Variants in SLC24A4 observed in about 807,000 individuals in gnomAD.
SLC24A4 encodes solute carrier family 24 member 4.
In SLC24A4, 53 loss-of-function variants were observed where a neutral mutation model predicts 79.0. The ratio of observed to expected loss-of-function variants is 0.67; its 90% CI spans 0.54 to 0.84. The LOEUF (loss-of-function observed/expected upper bound fraction) is 0.84. SLC24A4 is among the 40% of genes least tolerant of loss of function. SLC24A4 has a pLI of 0.00. For synonymous variants in SLC24A4, 323 were observed against 323.8 expected, an observed-to-expected ratio of 1.00 and a Z score of 0.03; for missense variants, 731 against 822.0, an observed-to-expected ratio of 0.89 and a Z score of 1.35.
intron 2 of SLC24A4, among the ~76,000 whole-genome samples, chr14:92,405,688 T>C (rs1469262211): frequency 6.6e-6 from 1 of 151,874 alleles, no homozygotes; most frequent in African/African-American, 2.4e-5. Context: ...AAGGGGGAGC[T>C]TCCACACAGT....
chr14:92,415,087 G>A (rs187459385), intron 2 of SLC24A4, among the ~76,000 whole-genome samples: 3 of 152,338 alleles, frequency 2.0e-5, no homozygotes, highest in African/African-American at 7.2e-5. Context: ...CGTGCTGGCA[G>A]GTGTTTGATG....
At chr14:92,350,864 G>A (rs4506828) in intron 2 of SLC24A4, among the ~76,000 whole-genome samples, 64 of 152,286 alleles carry the variant, frequency 4.2e-4, no homozygotes, top group African/African-American at 1.3e-3. Context: ...TAGGAGGCAG[G>A]AGGTGATTGG....
At chr14:92,351,623 G>A (rs1440035971) in intron 2 of SLC24A4, among the ~76,000 whole-genome samples, 4 of 152,184 alleles carry the variant, frequency 2.6e-5, no homozygotes, top group East Asian at 1.9e-4. Context: ...TCGGGAGGCC[G>A]AGGCGGGTGG....
At chr14:92,400,145 A>T (rs745845291) in intron 2 of SLC24A4, among the ~76,000 whole-genome samples, 4 of 152,144 alleles carry the variant, frequency 2.6e-5, no homozygotes, top group Non-Finnish European at 5.9e-5. Flanking sequence ...AAACTGGAAA[A>T]AATCAGAGTT....
chr14:92,442,736 G>T lies in SLC24A4; in HGVS notation c.502G>T (p.Val168Phe), dbSNP rs551321592. 6.2e-7 allele frequency: 1 copy of T among 1,614,002 alleles called. No homozygotes were observed. The change falls in exon 6 of 17, where the codon GTC becomes TTC. Residue 168 changes from valine to phenylalanine, a missense_variant. Coordinates refer to ENST00000532405, the MANE Select transcript of SLC24A4 (RefSeq NM_153646.4). The stretch of plus-strand genomic sequence containing the variant: ...AGGGGTGTTCATCACCCATGGGGAC[G>T]TCGGGGTGGGCACCATCGTGGGCTC... The part of the protein sequence containing the change: ...VIGVFITHGD[V>F]GVGTIVGSAV...
At chr14:92,343,654 T>TCCTTCCC (rs1566700223) in intron 2 of SLC24A4, among the ~76,000 whole-genome samples, 250 of 77,032 alleles carry the variant, frequency 3.2e-3, no homozygotes, top group African/African-American at 0.013. Flanking sequence ...CTTTCCTTCT[T>TCCTTCCC]TCCTTCCTTC....
At chr14:92,411,304 T>A (rs748369132) in intron 2 of SLC24A4, among the ~76,000 whole-genome samples, 13 of 152,224 alleles carry the variant, frequency 8.5e-5, no homozygotes, top group Non-Finnish European at 1.8e-4. Context: ...AATCCCAAGC[T>A]GTCTATCTAC....
At chr14:92,432,609 G>A (rs928603234) in intron 2 of SLC24A4, among the ~76,000 whole-genome samples, 3 of 152,134 alleles carry the variant, frequency 2.0e-5, no homozygotes, top group South Asian at 2.1e-4. Context: ...CCCTTGAACC[G>A]ACAGCAGCAA....
rs921248213 is a variant in SLC24A4 at position 92,482,619 on chromosome 14, G to A, written c.1256-61G>A. ...GACTAAATCGACAGGTAGACTGGCA[G>A]GTGTGTTACCCAGTGTCTTTCTCTC... On this transcript the variant is annotated intron_variant, in intron 12 of 16. Coordinates refer to ENST00000532405, the MANE Select transcript of SLC24A4 (RefSeq NM_153646.4). 7 of 1,460,364 alleles carry A rather than the reference G, an allele frequency of 4.8e-6. No homozygotes were observed. The South Asian group carries it at 8.2e-5, about 17-fold the overall frequency. The allele number at this position is 1,460,364 out of a possible 1,614,324, so 90.5% of individuals were successfully genotyped here.
Position 92,493,601 on chromosome 14 carries a change from C to T in SLC24A4, c.1842C>T (p.Asn614=), listed in dbSNP as rs149036113. The T allele has an allele frequency of 1.6e-4, 252 of 1,614,092 alleles. No homozygotes were observed. Among genetic ancestry groups the T allele is most frequent in the Non-Finnish European group, 9.0e-5 (106 of 1,180,038 alleles). Residue 614 remains asparagine (N), a synonymous_variant, in exon 17 of 17, where the codon AAC becomes AAT. Coordinates refer to ENST00000532405, the MANE Select transcript of SLC24A4 (RefSeq NM_153646.4). The stretch of plus-strand genomic sequence containing the variant: ...AGTTTAACGTCTTTACCTTCGTCAA[C>T]TTGCCGATGTGCCGGGAAGACGATT... ...MIEFNVFTFV[N]LPMCREDD
At chr14:92,484,501 A>G (rs946535234) in intron 13 of SLC24A4, 1 of 985,240 alleles carries the variant, frequency 1.0e-6, no homozygotes, top group Non-Finnish European at 1.2e-6. Flanking sequence ...GTACCGGCTT[A>G]GAGCTCTGTA....
At chr14:92,351,538 C>T (rs1886869219) in intron 2 of SLC24A4, among the ~76,000 whole-genome samples, 1 of 152,212 alleles carries the variant, frequency 6.6e-6, no homozygotes, top group South Asian at 2.1e-4. Flanking sequence ...TAGAGCTATT[C>T]TTAAGTGTTT....
chr14:92,352,928 A>C (rs1468099758), intron 2 of SLC24A4, among the ~76,000 whole-genome samples: 1 of 152,236 alleles, frequency 6.6e-6, no homozygotes, highest in African/African-American at 2.4e-5. Flanking sequence ...GGGAACCCCC[A>C]ACATTCTGCT....
chr14:92,424,061 T>G (rs111810249), intron 2 of SLC24A4, among the ~76,000 whole-genome samples: 2 of 152,256 alleles, frequency 1.3e-5, no homozygotes, highest in African/African-American at 4.8e-5. Flanking sequence ...ACCTCTGCCT[T>G]CGTCATCCCA....
intron 4 of SLC24A4, 123 bp downstream of exon 4, chr14:92,439,532 G>GTGCTCGGTGTGA: frequency 1.1e-6 from 1 of 883,668 alleles, no homozygotes; most frequent in Non-Finnish European, 1.9e-6. Flanking sequence ...GTCACACCGA[G>GTGCTCGGTGTGA]CACTTAGTGT....
Position 92,456,527 on chromosome 14 carries a change from G to GAGC in SLC24A4, c.1181_1183dup (p.Gln394dup), listed in dbSNP as rs1893475355. 2 of 1,614,004 alleles carry GAGC rather than the reference G, an allele frequency of 1.2e-6. No individual in the cohort carries two copies. The highest frequency in any genetic ancestry group is 4.5e-5 in the East Asian group (2 of 44,882). On this transcript the variant is annotated inframe_insertion, in exon 12 of 17. Coordinates refer to ENST00000532405, the MANE Select transcript of SLC24A4 (RefSeq NM_153646.4). ...CCCCGAAGACCCTCAGCAGAATCAG[G>GAGC]AGCAGCAGCCGCCGCCACAGCCACC...
At chr14:92,354,252 G>A (rs913069468) in intron 2 of SLC24A4, among the ~76,000 whole-genome samples, 2 of 151,456 alleles carry the variant, frequency 1.3e-5, no homozygotes, top group Non-Finnish European at 2.9e-5. Flanking sequence ...CCGGGTTCAC[G>A]CCATTCTCCT....
At chr14:92,369,412 C>T (rs1233975907) in intron 2 of SLC24A4, among the ~76,000 whole-genome samples, 2 of 152,206 alleles carry the variant, frequency 1.3e-5, no homozygotes, top group East Asian at 3.9e-4. Context: ...GGGCGATCTA[C>T]AAGAAACTGG....
At chr14:92,418,247 C>G (rs1350008595) in intron 2 of SLC24A4, among the ~76,000 whole-genome samples, 1 of 152,172 alleles carries the variant, frequency 6.6e-6, no homozygotes, top group Non-Finnish European at 1.5e-5. Flanking sequence ...GGAGACAGGG[C>G]AGGAGCCAAG....
Sources: allele counts gnomAD v4.1 joint callset (sites outside exome capture counted in the v4.1 genomes callset), GRCh38; gene constraint gnomAD v4.1.1; transcripts MANE v1.5; gene names NCBI Gene and HGNC (gene_info 2026-07-23, HGNC 2026-07-21).